ZNF765: variants seen among roughly 807,000 people sequenced by gnomAD.
ZNF765 encodes zinc finger protein 765.
In ZNF765, 37 loss-of-function variants were observed where a neutral mutation model predicts 44.7. That is an observed-to-expected ratio of 0.83 (90% CI 0.64 to 1.09). ZNF765 has a LOEUF of 1.09. Ranked by LOEUF, ZNF765 falls within the 50% of genes least tolerant of loss-of-function variation. The pLI is 0.00. For synonymous variants in ZNF765, 201 were observed against 213.7 expected (o/e 0.94, Z 0.52); for missense variants, 594 against 626.1 (o/e 0.95, Z 0.55).
chr19:53,424,324 A>G (rs925103544), exon 4 of ZNF765: 1 of 151,768 alleles, frequency 6.6e-6, no homozygotes, highest in African/African-American at 2.4e-5. Flanking sequence ...AAGAAAAAAC[A>G]TTAGCCAGGC....
chr19:53,400,416 G>C (rs1368994668), intron 2 of ZNF765, among the ~76,000 whole-genome samples: 7 of 152,046 alleles, frequency 4.6e-5, no homozygotes, highest in Non-Finnish European at 7.4e-5. Flanking sequence ...CTCCAGGTCA[G>C]GCAGTTGAAA....
rs541951212 is a variant in ZNF765, at chr19:53,397,827, C to G, written c.-73-116C>G. ...AGGAGTTTATTGTCCCTGGTGTGGT[C>G]GGCAGCATAGGGGACCGTATGTCCT... On this transcript the variant is annotated intron_variant, in intron 1 of 3. Transcript: ENST00000396408. 413 of 1,063,532 alleles carry G rather than the reference C, an allele frequency of 3.9e-4. No homozygotes were observed. In the Middle Eastern group the frequency reaches 4.5e-3, roughly 12 times the overall value. 65.9% of individuals were successfully genotyped at this position (1,063,532 alleles called of 1,614,324 possible).
intron 3 of ZNF765, among the ~76,000 whole-genome samples, chr19:53,422,531 T>C (rs2055557940): frequency 6.7e-6 from 1 of 148,700 alleles, no homozygotes. Context: ...TTATTATTTC[T>C]GTTGCATTTC....
chr19:53,400,785 C>A (rs978862338), intron 2 of ZNF765, among the ~76,000 whole-genome samples: 1 of 13,022 alleles, frequency 7.7e-5, no homozygotes, highest in Non-Finnish European at 1.8e-4. Flanking sequence ...TATATATATA[C>A]ACACATACAT....
intron 1 of ZNF765, among the ~76,000 whole-genome samples, 174 bp downstream of exon 1, chr19:53,395,367 C>A (rs906036518): frequency 2.6e-5 from 4 of 152,200 alleles, no homozygotes; most frequent in Non-Finnish European, 2.9e-5. Context: ...GGTTTAAGGT[C>A]CCCCTGAGGC....
chr19:53,412,324 T>C (rs2085840421), downstream of ZNF765, among the ~76,000 whole-genome samples: 1 of 152,242 alleles, frequency 6.6e-6, no homozygotes, highest in African/African-American at 2.4e-5. Context: ...GCATATCACA[T>C]TGATTTGCTT....
exon 4 of ZNF765, chr19:53,423,279 G>C (rs1202722903): frequency 1.5e-6 from 1 of 671,864 alleles, no homozygotes; most frequent in Non-Finnish European, 2.7e-6. Flanking sequence ...GAAGACAAAA[G>C]ATCTGGGATA....
chr19:53,412,366 A>G (rs746548453), downstream of ZNF765, among the ~76,000 whole-genome samples: 4 of 152,194 alleles, frequency 2.6e-5, no homozygotes, highest in Non-Finnish European at 5.9e-5. Context: ...CATCCCAGAA[A>G]TAAGTGGCAC....
intron 3 of ZNF765, 24 bp downstream of exon 3, chr19:53,402,215 G>T (rs762563365): frequency 6.2e-7 from 1 of 1,601,482 alleles, no homozygotes; most frequent in African/African-American, 1.4e-5. Context: ...CCCTCCTGGG[G>T]ATGTGCCCTT....
intron 3 of ZNF765, among the ~76,000 whole-genome samples, chr19:53,403,841 C>A (rs1600053931): frequency 1.4e-5 from 2 of 140,298 alleles, no homozygotes; most frequent in South Asian, 2.3e-4. Context: ...GACTCTGTCT[C>A]AAAAAAAAAA....
downstream of ZNF765, among the ~76,000 whole-genome samples, chr19:53,415,548 A>G (rs1249647523): frequency 7.1e-6 from 1 of 141,816 alleles, no homozygotes; most frequent in African/African-American, 2.5e-5. Context: ...TAAATATTTT[A>G]TTACGTTTGT....
intron 3 of ZNF765, among the ~76,000 whole-genome samples, chr19:53,418,488 A>G (rs1337718001): frequency 6.6e-6 from 1 of 152,172 alleles, no homozygotes; most frequent in East Asian, 1.9e-4. Context: ...CTCATATAAT[A>G]CTGACTGGCA....
At chr19:53,402,997 A>G (rs1339508970) in intron 3 of ZNF765, among the ~76,000 whole-genome samples, 2 of 152,216 alleles carry the variant, frequency 1.3e-5, no homozygotes, top group East Asian at 1.9e-4. Context: ...CAACAGGGTG[A>G]AACCCCCTCT....
downstream of ZNF765, among the ~76,000 whole-genome samples, chr19:53,412,323 A>G (rs1468882906): frequency 6.6e-6 from 1 of 152,218 alleles, no homozygotes; most frequent in Non-Finnish European, 1.5e-5. Flanking sequence ...GGCATATCAC[A>G]TTGATTTGCT....
Position 53,409,295 on chromosome 19 carries a change from T to C in ZNF765, c.*168T>C, listed in dbSNP as rs7246019. The C allele has an allele frequency of 0.84, 780,950 of 933,410 alleles. 328,564 individuals carry two copies. Among genetic ancestry groups the C allele is most frequent in the Admixed American group, 0.89 (50,291 of 56,796 alleles). 57.8% of individuals were successfully genotyped at this position (933,410 alleles called of 1,614,324 possible). A position where few individuals can be genotyped will look rare whatever the true frequency, so the allele number is the denominator to read the frequency against. ...ACTGAAGAGAATCTTACAAGTGTAA[T>C]GAGTGTGGCAAGACCTTGAGTCATA... On this transcript the variant is annotated 3_prime_UTR_variant, in exon 4 of 4. Transcript: ENST00000396408.
intron 3 of ZNF765, among the ~76,000 whole-genome samples, chr19:53,406,605 C>G (rs1177895154): frequency 6.6e-6 from 1 of 152,178 alleles, no homozygotes; most frequent in Non-Finnish European, 1.5e-5. Context: ...ATAACTGACA[C>G]AGTCCACTAG....
downstream of ZNF765, among the ~76,000 whole-genome samples, chr19:53,412,381 A>G (rs1018400845): frequency 1.3e-5 from 2 of 152,218 alleles, no homozygotes; most frequent in African/African-American, 4.8e-5. Context: ...TGGCACTTGA[A>G]TATCTACAAT....
chr19:53,418,668 TG>T (rs963989946), intron 3 of ZNF765, among the ~76,000 whole-genome samples: 412 of 150,258 alleles, frequency 2.7e-3, no homozygotes, highest in African/African-American at 8.9e-3. Flanking sequence ...AGGCCAATGG[TG>T]GGGGGGGCGG....
In ZNF765 at chr19:53,408,560, C is replaced by T. The variant is rs571276476; in HGVS notation, c.1005C>T (p.Thr335=). The T allele has an allele frequency of 1.1e-5, 18 of 1,611,944 alleles. No homozygotes were observed. The South Asian group carries it at 1.4e-4, about 13-fold the overall frequency. ...ACAAGTGTAATGAGTGTGGCAAGAC[C>T]TTTAGTCAGAAGTCGTACCTTACAT... ...KPYKCNECGK[T]FSQKSYLTCH... is the part of the protein sequence containing the mutation. Residue 335 remains threonine, a synonymous_variant, in exon 4 of 4, where the codon ACC becomes ACT. Transcript: ENST00000396408.
Sources: allele counts gnomAD v4.1 joint callset (sites outside exome capture counted in the v4.1 genomes callset), GRCh38; gene constraint gnomAD v4.1.1; transcripts MANE v1.5; gene names NCBI Gene and HGNC (gene_info 2026-07-23, HGNC 2026-07-21).